PEBP4: variants seen among roughly 807,000 people sequenced by gnomAD.
The protein encoded by PEBP4 is phosphatidylethanolamine binding protein 4, also known as phosphatidylethanolamine-binding protein 4.
PEBP4 carries 22 observed loss-of-function variants against 23.9 expected under a neutral mutation model. That is an observed-to-expected ratio of 0.92 (90% CI 0.66 to 1.31). The LOEUF is 1.31. Ranked by LOEUF, PEBP4 falls within the 40% of genes most tolerant of loss-of-function variation. PEBP4 has a pLI of 0.00. For synonymous variants in PEBP4, 112 were observed against 99.3 expected (o/e 1.13, Z -0.76); for missense variants, 324 against 281.7 (o/e 1.15, Z -1.07).
chr8:22,845,166 C>A (rs1217952721), intron 3 of PEBP4, among the ~76,000 whole-genome samples: 1 of 152,156 alleles, frequency 6.6e-6, no homozygotes, highest in African/African-American at 2.4e-5. Flanking sequence ...TGAAGGAAGA[C>A]TTTCCAACAG....
At chr8:22,912,403 C>T (rs1808957611) in intron 3 of PEBP4, among the ~76,000 whole-genome samples, 1 of 152,226 alleles carries the variant, frequency 6.6e-6, no homozygotes, top group Non-Finnish European at 1.5e-5. Context: ...CCAGTGAATA[C>T]ATGAATGACT....
chr8:22,719,804 G>A (rs1804484282), intron 6 of PEBP4, among the ~76,000 whole-genome samples: 1 of 152,220 alleles, frequency 6.6e-6, no homozygotes, highest in Non-Finnish European at 1.5e-5. Flanking sequence ...GGAGGGGCAG[G>A]GTGGCTGGTG....
chr8:22,908,687 G>T (rs1316349675), intron 3 of PEBP4, among the ~76,000 whole-genome samples: 1 of 152,198 alleles, frequency 6.6e-6, no homozygotes, highest in Non-Finnish European at 1.5e-5. Context: ...AAGGAAGGCA[G>T]CTCTGAGAGG....
intron 4 of PEBP4, among the ~76,000 whole-genome samples, chr8:22,816,129 T>TCTCTTTCATGCCCACTGCTC (rs1806735702): frequency 6.6e-6 from 1 of 152,160 alleles, no homozygotes; most frequent in Non-Finnish European, 1.5e-5. Context: ...GCCAGTTCTT[T>TCTCTTTCATGCCCACTGCTC]CTCTTTCATG....
intron 4 of PEBP4, 61 bp downstream of exon 4, chr8:22,817,576 G>A: frequency 6.7e-7 from 1 of 1,485,304 alleles, no homozygotes; most frequent in Non-Finnish European, 9.4e-7. Context: ...GAACTGCACT[G>A]AATGATAATC....
At chr8:22,937,073 C>A (rs1275351209) in intron 1 of PEBP4, among the ~76,000 whole-genome samples, 1 of 152,092 alleles carries the variant, frequency 6.6e-6, no homozygotes, top group Non-Finnish European at 1.5e-5. Context: ...TCTTATTCAA[C>A]ATATATAGAA....
chr8:22,829,427 A>T (rs1807036388), intron 3 of PEBP4, among the ~76,000 whole-genome samples: 1 of 152,062 alleles, frequency 6.6e-6, no homozygotes, highest in Non-Finnish European at 1.5e-5. Context: ...AACCTCCCCT[A>T]ACTTCCCTGA....
chr8:22,887,000 T>C (rs1408358619), intron 3 of PEBP4: 1 of 152,146 alleles, frequency 6.6e-6, no homozygotes, highest in Non-Finnish European at 1.5e-5. Flanking sequence ...GTTAGTCTAA[T>C]TGTGACTCAT....
At chr8:22,859,971 G>C (rs1807731812) in intron 3 of PEBP4, among the ~76,000 whole-genome samples, 1 of 151,490 alleles carries the variant, frequency 6.6e-6, no homozygotes, top group Non-Finnish European at 1.5e-5. Context: ...TTAAAAATTA[G>C]CTGGGTATGA....
At chr8:22,893,014 CAGA>C (rs1390633645) in intron 3 of PEBP4, among the ~76,000 whole-genome samples, 1 of 152,168 alleles carries the variant, frequency 6.6e-6, no homozygotes, top group Non-Finnish European at 1.5e-5. Context: ...GTGGAAATTG[CAGA>C]AGGTCCTCTT....
At chr8:22,728,446 C>A (rs996697649) in intron 4 of PEBP4, among the ~76,000 whole-genome samples, 2 of 152,146 alleles carry the variant, frequency 1.3e-5, no homozygotes, top group Admixed American at 6.5e-5. Flanking sequence ...ACCCTTCCCC[C>A]ACGAGCCCCT....
At chr8:22,875,384 G>A (rs942635782) in intron 3 of PEBP4, among the ~76,000 whole-genome samples, 1 of 152,064 alleles carries the variant, frequency 6.6e-6, no homozygotes, top group South Asian at 2.1e-4. Flanking sequence ...AGGTAAACTC[G>A]TGTCATGGGA....
Position 22,777,688 on chromosome 8 carries a change from T to C in PEBP4, c.357+39949A>G, listed in dbSNP as rs145583644. The stretch of plus-strand genomic sequence containing the variant: ...GGGTGGTGGCTGGGGCACCGGGAAA[T>C]GTTATGAATGGCAGAACTGCTCCAA... On this transcript the variant is annotated intron_variant, in intron 4 of 6. Coordinates refer to ENST00000256404, the MANE Select transcript of PEBP4 (RefSeq NM_144962.3). Among the ~76,000 whole-genome samples, 19 of 152,094 alleles carry C rather than the reference T, an allele frequency of 1.2e-4. No homozygotes were observed. In the East Asian group the frequency reaches 3.1e-3, roughly 25 times the overall value.
chr8:22,739,536 G>A (rs1190028079), intron 4 of PEBP4, among the ~76,000 whole-genome samples: 1 of 152,116 alleles, frequency 6.6e-6, no homozygotes, highest in Non-Finnish European at 1.5e-5. Flanking sequence ...CTCTAACTCC[G>A]GCTGGACAGA....
intron 3 of PEBP4, among the ~76,000 whole-genome samples, chr8:22,841,777 A>T (rs1345676345): frequency 1.3e-5 from 2 of 152,240 alleles, no homozygotes; most frequent in East Asian, 3.8e-4. Context: ...TTCCCTAAAG[A>T]CACCAGCCCA....
chr8:22,811,081 TTC>T (rs1044442326), intron 4 of PEBP4, among the ~76,000 whole-genome samples: 9 of 151,614 alleles, frequency 5.9e-5, no homozygotes, highest in East Asian at 1.9e-4. Flanking sequence ...CTCTCTTTCT[TTC>T]TCTCTCTCTC....
intron 3 of PEBP4, among the ~76,000 whole-genome samples, chr8:22,827,887 T>C (rs1807005397): frequency 6.6e-6 from 1 of 152,212 alleles, no homozygotes; most frequent in South Asian, 2.1e-4. Context: ...TCAACACTTA[T>C]AATTGTCTGT....
chr8:22,809,740 C>T (rs570221999), intron 4 of PEBP4, among the ~76,000 whole-genome samples: 2 of 152,296 alleles, frequency 1.3e-5, no homozygotes, highest in Admixed American at 1.3e-4. Flanking sequence ...TCTTCCTCTC[C>T]CTCTCTCCTT....
chr8:22,827,426 T>C (rs1393648905), intron 3 of PEBP4, among the ~76,000 whole-genome samples: 1 of 152,202 alleles, frequency 6.6e-6, no homozygotes, highest in Non-Finnish European at 1.5e-5. Flanking sequence ...CAACCATGAA[T>C]CTACTTTCTG....
Sources: gnomAD v4.1 joint callset for allele counts (sites outside exome capture counted in the v4.1 genomes callset) on GRCh38, gnomAD v4.1.1 for gene constraint, MANE v1.5 for transcripts, NCBI Gene and HGNC (gene_info 2026-07-23, HGNC 2026-07-21) for gene names.